The following POLB variants were observed in gnomAD, a reference collection of about 807,000 sequenced individuals.
The protein encoded by POLB is DNA polymerase beta.
A neutral mutation model predicts 52.7 loss-of-function variants in POLB; 37 were observed. The observed-to-expected ratio is 0.70, with a 90% CI of 0.54 to 0.92. The LOEUF (loss-of-function observed/expected upper bound fraction) is 0.92. Ranked by LOEUF, POLB falls within the 40% of genes least tolerant of loss-of-function variation. POLB has a pLI of 0.00. For synonymous variants in POLB, 138 were observed against 131.3 expected (o/e 1.05, Z -0.35); for missense variants, 313 against 400.8 (o/e 0.78, Z 1.87).
At chr8:42,356,167 T>C (rs1312692511) in intron 7 of POLB, among the ~76,000 whole-genome samples, 1 of 152,228 alleles carries the variant, frequency 6.6e-6, no homozygotes, top group Non-Finnish European at 1.5e-5. Flanking sequence ...TATATAGTGT[T>C]GTGAGTGATT....
chr8:42,361,188 G>A, intron 9 of POLB, 107 bp from the exon 10 acceptor site: 3 of 778,268 alleles, frequency 3.9e-6, no homozygotes, highest in Non-Finnish European at 6.9e-6. Context: ...GAAATAGAAA[G>A]TTAGGCTGTA....
At chr8:42,363,899 G>A (rs1258540442) in intron 11 of POLB, among the ~76,000 whole-genome samples, 2 of 151,730 alleles carry the variant, frequency 1.3e-5, no homozygotes, top group Non-Finnish European at 2.9e-5. Flanking sequence ...CCAACAGGAA[G>A]GCAGATAGAA....
At position 42,339,061 on chromosome 8, in the gene POLB, T is replaced by G; in HGVS notation, c.111T>G (p.Asn37Lys). 3.7e-6 allele frequency: 6 copies of G among 1,612,392 alleles called. No individual in the cohort carries two copies. The highest frequency in any genetic ancestry group is 4.2e-6 in the Non-Finnish European group (5 of 1,178,376). ...KNVSQAIHKY[N>K]AYRKAASVIA... Reference sequence around the variant, plus strand: ...TGAGCCAAGCTATCCACAAGTACAATGCTTACAGGTGGGACAGTGCAGCAT... The same window carrying G: ...TGAGCCAAGCTATCCACAAGTACAAGGCTTACAGGTGGGACAGTGCAGCAT... The change falls in exon 2 of 14, where the codon AAT becomes AAG. Residue 37 changes from asparagine (N) to lysine (K), a missense_variant. Physicochemically the swap from Asn to Lys is moderately conservative, Grantham distance 94. This residue lies in a region of POLB where 54 missense variants were observed against 63.4 expected (regional missense o/e 0.85). Transcript: ENST00000265421.
chr8:42,352,253 A>T (rs1823020394), intron 5 of POLB, among the ~76,000 whole-genome samples: 1 of 152,208 alleles, frequency 6.6e-6, no homozygotes, highest in South Asian at 2.1e-4. Context: ...CAATGAATGA[A>T]CAGTTTTCAA....
intron 3 of POLB, 124 bp from the exon 4 acceptor site, chr8:42,348,892 C>T (rs1822795054): frequency 1.1e-5 from 6 of 531,990 alleles, no homozygotes; most frequent in South Asian, 6.0e-5. Context: ...TTTCTGTGTC[C>T]TTTATTTCAA....
Position 42,338,519 on chromosome 8 carries a change from T to C in POLB, c.-106T>C, listed in dbSNP as rs1821981056. The C allele has an allele frequency of 4.1e-6, 4 of 972,198 alleles. No homozygotes were observed. The East Asian group carries it at 7.4e-5, about 18-fold the overall frequency. The allele number at this position is 972,198 out of a possible 1,614,324, so 60.2% of individuals were successfully genotyped here. On this transcript the variant is annotated 5_prime_UTR_variant, in exon 1 of 14. Transcript: ENST00000265421. ...ATTGTTCCGCCGGTCGCGCCGGAGCTGGGTTGCTCCTGCTCCCGTCTCCAA... is the reference window on the plus strand; with the variant it reads ...ATTGTTCCGCCGGTCGCGCCGGAGCCGGGTTGCTCCTGCTCCCGTCTCCAA...
intron 6 of POLB, 21 bp downstream of exon 6, chr8:42,352,589 C>A (rs781551556): frequency 1.7e-5 from 25 of 1,447,308 alleles, no homozygotes; most frequent in Non-Finnish European, 2.3e-5. Context: ...CTGTAGGTCA[C>A]TAATTCCAGA....
At chr8:42,341,415 G>T (rs139537990) in intron 2 of POLB, among the ~76,000 whole-genome samples, 1 of 152,266 alleles carries the variant, frequency 6.6e-6, no homozygotes, top group East Asian at 1.9e-4. Flanking sequence ...TCAGTCATGT[G>T]CTTAGAGAGA....
In POLB at chr8:42,342,472, A is replaced by G. The variant is rs924433409; in HGVS notation, c.120-2481A>G. The G allele has an allele frequency of 6.2e-6, 7 of 1,122,536 alleles. No individual in the cohort carries two copies. The African/African-American group carries it at 7.6e-5, about 12-fold the overall frequency. 69.5% of individuals were successfully genotyped at this position (1,122,536 alleles called of 1,614,324 possible). A position where few individuals can be genotyped will look rare whatever the true frequency, so the allele number is the denominator to read the frequency against. ...CTGACAATTGATATCTCTGTTTGTT[A>G]TATGAACTATCATCCTCTATTTGGG... On this transcript the variant is annotated intron_variant, in intron 2 of 13. Coordinates refer to ENST00000265421, the MANE Select transcript of POLB (RefSeq NM_002690.3).
At chr8:42,345,506 G>T (rs3136734) in intron 3 of POLB, among the ~76,000 whole-genome samples, 218 of 152,260 alleles carry the variant, frequency 1.4e-3, no homozygotes, top group African/African-American at 5.2e-3. Context: ...ACGAAGCCTT[G>T]TGTACTGTGT....
chr8:42,367,238 T>A (rs1824096286), intron 11 of POLB, among the ~76,000 whole-genome samples: 1 of 152,162 alleles, frequency 6.6e-6, no homozygotes, highest in Non-Finnish European at 1.5e-5. Context: ...TAGTTAACAA[T>A]GAACATAATA....
chr8:42,338,759 C>T (rs1433436042), intron 1 of POLB, 74 bp downstream of exon 1: 1 of 1,422,462 alleles, frequency 7.0e-7, no homozygotes, highest in African/African-American at 1.4e-5. Context: ...TTCTCTCCCA[C>T]ACCGACAGTC....
At chr8:42,361,131 G>T (rs1229079557) in intron 9 of POLB, 164 bp from the exon 10 acceptor site, 1 of 700,204 alleles carries the variant, frequency 1.4e-6, no homozygotes, top group South Asian at 1.5e-5. Context: ...TGAATAGTTG[G>T]ACAGAAAATT....
intron 12 of POLB, 85 bp downstream of exon 12, chr8:42,369,420 C>G (rs1050033668): frequency 3.8e-6 from 3 of 782,840 alleles, no homozygotes; most frequent in Non-Finnish European, 6.6e-6. Context: ...TTGGAGTTCA[C>G]ATTCATATCT....
chr8:42,368,532 C>G (rs533585965), intron 11 of POLB, among the ~76,000 whole-genome samples: 4 of 152,028 alleles, frequency 2.6e-5, no homozygotes, highest in Admixed American at 6.6e-5. Context: ...GTGCTTATAT[C>G]TTGTTTTACA....
chr8:42,352,447 A>G (rs1823033652), intron 5 of POLB, 72 bp from the exon 6 acceptor site: 3 of 933,174 alleles, frequency 3.2e-6, no homozygotes, highest in Admixed American at 1.7e-5. Context: ...AGCTCTTCTT[A>G]CTATTAAGAC....
At chr8:42,360,066 AC>A (rs1360045390) in intron 9 of POLB, among the ~76,000 whole-genome samples, 2 of 145,298 alleles carry the variant, frequency 1.4e-5, no homozygotes, top group African/African-American at 5.1e-5. Context: ...TCCTGCCTCA[AC>A]CTCCTGAGTA....
At position 42,345,029 on chromosome 8, in the gene POLB, G is replaced by C. The variant is rs1391884646; in HGVS notation, c.186+10G>C. On this transcript the variant is annotated intron_variant, in intron 3 of 13. Coordinates refer to ENST00000265421, the MANE Select transcript of POLB (RefSeq NM_002690.3). ...TGAAGCTAAGAAATTGGTAAGTTTA[G>C]TTAGCATGTTGATCGAAGAGTTCAC... 6.3e-7 allele frequency: 1 copy of C among 1,589,556 alleles called. No individual in the cohort carries two copies. Among genetic ancestry groups the C allele is most frequent in the Non-Finnish European group, 8.6e-7 (1 of 1,157,752 alleles).
chr8:42,354,009 G>A (rs1364423630), intron 6 of POLB, among the ~76,000 whole-genome samples: 1 of 152,148 alleles, frequency 6.6e-6, no homozygotes, highest in Non-Finnish European at 1.5e-5. Context: ...CAGGGTTTAT[G>A]CTTTGATGCC....
Sources: allele counts gnomAD v4.1 joint callset (sites outside exome capture counted in the v4.1 genomes callset), GRCh38; gene constraint gnomAD v4.1.1; regional missense constraint gnomAD v4.1.1; transcripts MANE v1.5; gene names NCBI Gene and HGNC (gene_info 2026-07-23, HGNC 2026-07-21).